NDST3: variants seen among roughly 807,000 people sequenced by gnomAD.
NDST3 encodes the protein bifunctional heparan sulfate N-deacetylase/N-sulfotransferase 3.
A neutral mutation model predicts 96.1 loss-of-function variants in NDST3; 58 were observed. The ratio of observed to expected loss-of-function variants is 0.60; its 90% CI spans 0.49 to 0.75. The LOEUF is 0.75. Ranked by LOEUF, NDST3 falls within the 30% of genes least tolerant of loss-of-function variation. The pLI, the probability that NDST3 is intolerant of heterozygous loss-of-function variation, is 0.00. For missense variants in NDST3, 788 were observed against 1,034.2 expected, an observed-to-expected ratio of 0.76 and a Z score of 3.27; for synonymous variants, 333 against 359.7, an observed-to-expected ratio of 0.93 and a Z score of 0.84.
chr4:118,188,198 A>G (rs1421452152), intron 6 of NDST3, among the ~76,000 whole-genome samples: 1 of 151,702 alleles, frequency 6.6e-6, no homozygotes, highest in Non-Finnish European at 1.5e-5. Flanking sequence ...TCTTCCTAGG[A>G]ATATGGGTTT....
At chr4:118,203,428 C>A (rs894566265) in intron 6 of NDST3, among the ~76,000 whole-genome samples, 5 of 152,122 alleles carry the variant, frequency 3.3e-5, no homozygotes, top group African/African-American at 1.2e-4. Flanking sequence ...AGCTGTGAAT[C>A]CATCTGAGCC....
intron 1 of NDST3, among the ~76,000 whole-genome samples, chr4:118,039,134 A>G (rs1724307905): frequency 6.6e-6 from 1 of 152,192 alleles, no homozygotes; most frequent in Non-Finnish European, 1.5e-5. Context: ...AAACAGATGC[A>G]TTGCAAAGCA....
chr4:118,208,585 G>T (rs2125984835), intron 6 of NDST3, among the ~76,000 whole-genome samples: 1 of 144,026 alleles, frequency 6.9e-6, no homozygotes, highest in African/African-American at 2.6e-5. Context: ...GGCTTGCATA[G>T]GCCCAGTCAA....
chr4:118,037,321 G>A (rs149375212), intron 1 of NDST3, among the ~76,000 whole-genome samples: 177 of 152,272 alleles, frequency 1.2e-3, no homozygotes, highest in Non-Finnish European at 1.8e-3. Context: ...ACCAGGCACT[G>A]TTCTACTTTA....
chr4:118,226,941 A>T lies in NDST3; in HGVS notation c.1778A>T (p.Asp593Val). The T allele has an allele frequency of 3.7e-6, 6 of 1,613,804 alleles. No homozygotes were observed. The highest frequency in any genetic ancestry group is 5.1e-6 in the Non-Finnish European group (6 of 1,179,884). Residue 593 changes from aspartate to valine, a missense_variant, in exon 8 of 14, where the codon GAT becomes GTT. This residue lies in a region of NDST3 where 490 missense variants were observed against 708.8 expected (regional missense o/e 0.69). Transcript: ENST00000296499. The stretch of plus-strand genomic sequence containing the variant: ...ATTTGGTCTAAAGAAAAAACTTGTG[A>T]TCGCTTACCAAAATTCTTGGTAATA... ...RDIWSKEKTC[D>V]RLPKFLVIGP... is the part of the protein sequence containing the mutation.
intron 10 of NDST3, among the ~76,000 whole-genome samples, chr4:118,237,834 C>T (rs1318864117): frequency 6.6e-6 from 1 of 152,032 alleles, no homozygotes; most frequent in African/African-American, 2.4e-5. Context: ...TTAGGCTGGG[C>T]GTGGTGGCTC....
chr4:118,115,769 T>G (rs1731034040), intron 4 of NDST3, among the ~76,000 whole-genome samples: 1 of 152,208 alleles, frequency 6.6e-6, no homozygotes, highest in South Asian at 2.1e-4. Context: ...GAAGTTTCAG[T>G]TGGTTCTCAC....
intron 3 of NDST3, among the ~76,000 whole-genome samples, chr4:118,114,435 C>G (rs1325001695): frequency 6.6e-6 from 1 of 152,208 alleles, no homozygotes; most frequent in Non-Finnish European, 1.5e-5. Flanking sequence ...GGCTGTGACA[C>G]ATATTCCTTG....
chr4:118,089,013 C>G (rs1210878023), intron 2 of NDST3, among the ~76,000 whole-genome samples: 1 of 151,896 alleles, frequency 6.6e-6, no homozygotes, highest in Non-Finnish European at 1.5e-5. Context: ...TAACTCCTAT[C>G]TGGAATTTGT....
At chr4:118,121,193 AC>A (rs1487755700) in intron 4 of NDST3, among the ~76,000 whole-genome samples, 2 of 152,136 alleles carry the variant, frequency 1.3e-5, no homozygotes, top group East Asian at 3.9e-4. Context: ...TACAAGTATG[AC>A]TTTTGCATCT....
chr4:118,176,152 T>C (rs1424692679), intron 6 of NDST3, among the ~76,000 whole-genome samples: 1 of 151,926 alleles, frequency 6.6e-6, no homozygotes, highest in Non-Finnish European at 1.5e-5. Flanking sequence ...ATAATTATTC[T>C]AGTTACCTTT....
chr4:118,143,535 C>T (rs1266709305), intron 5 of NDST3, 21 bp from the exon 6 acceptor site: 14 of 1,575,236 alleles, frequency 8.9e-6, no homozygotes, highest in East Asian at 2.3e-5. Context: ...CTTTTCCTTA[C>T]TTTTTTCATT....
intron 6 of NDST3, among the ~76,000 whole-genome samples, chr4:118,182,851 C>T (rs13129847): frequency 0.18 from 27,443 of 152,180 alleles, 3,093 homozygotes; most frequent in South Asian, 0.24. Context: ...ACTACAAATC[C>T]ACCAGCCTGT....
At chr4:118,138,992 A>T (rs995846166) in intron 5 of NDST3, among the ~76,000 whole-genome samples, 3 of 152,342 alleles carry the variant, frequency 2.0e-5, no homozygotes, top group Middle Eastern at 3.4e-3. Context: ...GAGCCACCGT[A>T]ACACTCTGTT....
At chr4:118,139,926 T>C (rs1416100445) in intron 5 of NDST3, among the ~76,000 whole-genome samples, 2 of 152,170 alleles carry the variant, frequency 1.3e-5, no homozygotes, top group Non-Finnish European at 2.9e-5. Context: ...TATTTACAGG[T>C]TCCATCCACC....
At chr4:118,168,640 T>G (rs1465127729) in intron 6 of NDST3, among the ~76,000 whole-genome samples, 1 of 152,054 alleles carries the variant, frequency 6.6e-6, no homozygotes, top group Non-Finnish European at 1.5e-5. Context: ...CCAAAAAAAC[T>G]GAAATTGGGA....
chr4:118,162,504 A>G (rs1350963545), intron 6 of NDST3, among the ~76,000 whole-genome samples: 1 of 152,000 alleles, frequency 6.6e-6, no homozygotes, highest in African/African-American at 2.4e-5. Flanking sequence ...TGGGGAAAGG[A>G]TTCCTTATTT....
At chr4:118,250,576 C>G (rs372225649) in intron 12 of NDST3, among the ~76,000 whole-genome samples, 1 of 152,012 alleles carries the variant, frequency 6.6e-6, no homozygotes, top group African/African-American at 2.4e-5. Context: ...CCTCTGCCCC[C>G]CAGGTTCAAG....
At chr4:118,079,918 A>T (rs566986192) in intron 2 of NDST3, among the ~76,000 whole-genome samples, 10 of 152,268 alleles carry the variant, frequency 6.6e-5, no homozygotes, top group African/African-American at 2.4e-4. Context: ...AGGAAAGAAT[A>T]GAATCAAGGA....
Sources: allele counts gnomAD v4.1 joint callset (sites outside exome capture counted in the v4.1 genomes callset), GRCh38; gene constraint gnomAD v4.1.1; regional missense constraint gnomAD v4.1.1; transcripts MANE v1.5; gene names NCBI Gene and HGNC (gene_info 2026-07-23, HGNC 2026-07-21).